The following COL22A1 variants were observed in gnomAD, a reference collection of about 807,000 sequenced individuals.
COL22A1 encodes the protein collagen type XXII alpha 1 chain, also known as collagen alpha-1(XXII) chain.
Under a neutral mutation model 248.9 loss-of-function variants are expected in COL22A1, and 221 were observed. The ratio of observed to expected loss-of-function variants is 0.89; its 90% confidence interval spans 0.80 to 0.99. The LOEUF (loss-of-function observed/expected upper bound fraction) is 0.99. Ranked by LOEUF, COL22A1 falls within the 50% of genes least tolerant of loss-of-function variation. The probability of loss-of-function intolerance (pLI) is 0.00; values close to 1 mark genes in which losing one functional copy is unlikely to be tolerated. For synonymous variants in COL22A1, 891 were observed against 793.4 expected, an observed-to-expected ratio of 1.12 and a Z score of -2.07; for missense variants, 2,240 against 2,179.0, an observed-to-expected ratio of 1.03 and a Z score of -0.56.
At position 138,678,523 on chromosome 8, in the gene COL22A1, G is replaced by A. The variant is rs534355244; in HGVS notation, c.3072+1094C>T. On this transcript the variant is annotated intron_variant, in intron 40 of 64. Coordinates refer to ENST00000303045, the MANE Select transcript of COL22A1 (RefSeq NM_152888.3). ...GGTTCTTGGAAGTTCAAGATACTTC[G>A]GATCCCTAGAAAATCTAACTAGTTT... is the stretch of plus-strand genomic sequence containing the variant. 9.2e-5 allele frequency among the ~76,000 whole-genome samples: 14 copies of A among 152,128 alleles called. No homozygotes were observed. In the East Asian group the frequency reaches 1.9e-3, roughly 21 times the overall value.
intron 15 of COL22A1, among the ~76,000 whole-genome samples, chr8:138,776,277 G>A (rs897949029): frequency 3.3e-5 from 5 of 152,120 alleles, no homozygotes; most frequent in East Asian, 1.9e-4. Flanking sequence ...AGGTCCTCAC[G>A]GCCATAGATT....
intron 12 of COL22A1, among the ~76,000 whole-genome samples, chr8:138,791,288 T>C (rs1816010753): frequency 6.6e-6 from 1 of 152,120 alleles, no homozygotes. Flanking sequence ...AAGGCAGAGA[T>C]ATCCTGAGCA....
At chr8:138,609,342 C>T (rs1274915118) in intron 56 of COL22A1, among the ~76,000 whole-genome samples, 1 of 152,198 alleles carries the variant, frequency 6.6e-6, no homozygotes, top group African/African-American at 2.4e-5. Flanking sequence ...TAAGGACATG[C>T]CTTATGGGTC....
intron 4 of COL22A1, 127 bp from the exon 5 acceptor site, chr8:138,833,277 G>A (rs6993839): frequency 0.62 from 406,903 of 658,410 alleles, 126,761 homozygotes; most frequent in East Asian, 0.7. Context: ...TCGGGAGGGA[G>A]TTGTTCAAAT....
chr8:138,778,030 G>C, intron 15 of COL22A1: 1 of 424,978 alleles, frequency 2.4e-6, no homozygotes, highest in South Asian at 2.1e-5. Context: ...TACAGGACAG[G>C]CTGGGGAAAA....
intron 15 of COL22A1, among the ~76,000 whole-genome samples, chr8:138,776,246 G>A (rs1293789698): frequency 4.6e-5 from 7 of 152,160 alleles, no homozygotes; most frequent in African/African-American, 1.7e-4. Flanking sequence ...TCCTGGGCTT[G>A]TCCCTTGGCT....
intron 5 of COL22A1, among the ~76,000 whole-genome samples, chr8:138,828,401 T>A (rs561221136): frequency 6.6e-6 from 1 of 152,170 alleles, no homozygotes; most frequent in South Asian, 2.1e-4. Flanking sequence ...CAAGGTTCGC[T>A]GGGGGGTGGG....
intron 7 of COL22A1, among the ~76,000 whole-genome samples, chr8:138,818,738 CT>C (rs1818874700): frequency 6.6e-6 from 1 of 152,228 alleles, no homozygotes; most frequent in East Asian, 1.9e-4. Context: ...GGCACAGAGC[CT>C]CTGCACAAGT....
At chr8:138,763,732 C>T (rs1833699166) in intron 16 of COL22A1, among the ~76,000 whole-genome samples, 1 of 152,206 alleles carries the variant, frequency 6.6e-6, no homozygotes, top group Non-Finnish European at 1.5e-5. Context: ...CCTTCCCTGC[C>T]TCCTATTCCC....
At chr8:138,706,750 A>G (rs999713274) in intron 30 of COL22A1, among the ~76,000 whole-genome samples, 1 of 152,190 alleles carries the variant, frequency 6.6e-6, no homozygotes, top group Non-Finnish European at 1.5e-5. Context: ...GAGCAAACAC[A>G]TTCAAAAGCT....
At chr8:138,815,190 A>T (rs1055931894) in intron 7 of COL22A1, among the ~76,000 whole-genome samples, 1 of 152,144 alleles carries the variant, frequency 6.6e-6, no homozygotes, top group Non-Finnish European at 1.5e-5. Context: ...TTTCTAAATT[A>T]CCCAGTCTTG....
At chr8:138,644,865 G>C (rs1485603344) in intron 47 of COL22A1, among the ~76,000 whole-genome samples, 2 of 152,090 alleles carry the variant, frequency 1.3e-5, no homozygotes, top group African/African-American at 2.4e-5. Context: ...GTTTCTGCTG[G>C]AGGCTATGCT....
intron 3 of COL22A1, among the ~76,000 whole-genome samples, chr8:138,846,258 G>T (rs7836365): frequency 6.6e-6 from 1 of 152,130 alleles, no homozygotes; most frequent in African/African-American, 2.4e-5. Context: ...TGGGAATTGC[G>T]TGTCATTTTA....
rs748325138 is a variant in COL22A1, at chr8:138,877,909, G to C, written c.499C>G (p.Arg167Gly). 195 of 1,609,718 alleles carry C rather than the reference G, an allele frequency of 1.2e-4. No homozygotes were observed. The highest frequency in any genetic ancestry group is 1.6e-4 in the Non-Finnish European group (187 of 1,178,364). Residue 167 changes from arginine to glycine, a missense_variant, in exon 3 of 65, where the codon CGC becomes GGC. Physicochemically the swap from Arg to Gly is moderately radical, Grantham distance 125. Transcript: ENST00000303045. ...LVLDAAAAAH[R>G]AGIRIFAVGV... is the part of the protein sequence containing the mutation. ...ACGGCAAAGATGCGGATGCCAGCGC[G>C]GTGGGCTGCCGCCGCGGCGTCCAGC...
intron 3 of COL22A1, among the ~76,000 whole-genome samples, chr8:138,870,243 TG>T (rs1823221023): frequency 6.6e-6 from 1 of 151,820 alleles, no homozygotes; most frequent in African/African-American, 2.4e-5. Flanking sequence ...GGTGTGTCTA[TG>T]GTGTCTGTGT....
intron 48 of COL22A1, 49 bp from the exon 49 acceptor site, chr8:138,635,112 T>C (rs1479214213): frequency 1.4e-6 from 2 of 1,447,746 alleles, no homozygotes; most frequent in African/African-American, 1.4e-5. Flanking sequence ...AAAAATACTT[T>C]TTACTTTGTG....
chr8:138,725,973 T>A (rs1483253865), intron 23 of COL22A1, among the ~76,000 whole-genome samples: 1 of 152,206 alleles, frequency 6.6e-6, no homozygotes, highest in Non-Finnish European at 1.5e-5. Flanking sequence ...CTTGTGAAGG[T>A]TCCCCCGTGA....
At chr8:138,755,453 C>T (rs749784577) in intron 20 of COL22A1, 29 bp downstream of exon 20, 3 of 1,609,010 alleles carry the variant, frequency 1.9e-6, no homozygotes, top group South Asian at 2.2e-5. Context: ...CCTAAATCCC[C>T]ATGAGAAGAA....
At chr8:138,783,246 G>C (rs934032839) in intron 12 of COL22A1, among the ~76,000 whole-genome samples, 2 of 152,054 alleles carry the variant, frequency 1.3e-5, no homozygotes, top group Non-Finnish European at 2.9e-5. Context: ...TATAAAATGG[G>C]GACAATCACG....
Sources: allele counts gnomAD v4.1 joint callset (sites outside exome capture counted in the v4.1 genomes callset), GRCh38; gene constraint gnomAD v4.1.1; transcripts MANE v1.5; gene names NCBI Gene and HGNC (gene_info 2026-07-23, HGNC 2026-07-21).